Variants in TRMT1 observed in about 807,000 individuals in gnomAD.
TRMT1 encodes the protein tRNA methyltransferase 1.
A neutral mutation model predicts 75.4 loss-of-function variants in TRMT1; 63 were observed. The observed-to-expected ratio is 0.84, with a 90% CI of 0.68 to 1.03. TRMT1 has a LOEUF of 1.03. TRMT1 is among the 50% of genes least tolerant of loss of function. The pLI, the probability that TRMT1 is intolerant of heterozygous loss-of-function variation, is 0.00. For synonymous variants in TRMT1, 382 were observed against 358.1 expected (o/e 1.07, Z -0.75); for missense variants, 870 against 905.3 (o/e 0.96, Z 0.50).
Position 13,115,648 on chromosome 19 carries a change from G to T in TRMT1, c.431C>A (p.Ala144Glu). ...NLASGDQPRT[A>E]AVGEICEEGL... Reference sequence around the variant, plus strand: ...CACCTCACAGATCTCCCCCACGGCCGCTGTGCGAGGTTGGTCTCCTGAGGC... The same window carrying T: ...CACCTCACAGATCTCCCCCACGGCCTCTGTGCGAGGTTGGTCTCCTGAGGC... The change falls in exon 4 of 17, where the codon GCG (alanine) becomes GAG (glutamate). Residue 144 changes from alanine to glutamate, a missense_variant. Coordinates refer to ENST00000357720, the MANE Select transcript of TRMT1 (RefSeq NM_001136035.4). 1 of 1,613,864 alleles carries T rather than the reference G, an allele frequency of 6.2e-7. No individual in the cohort carries two copies. The highest frequency in any genetic ancestry group is 8.5e-7 in the Non-Finnish European group (1 of 1,179,994).
chr19:13,110,178 G>A lies in TRMT1; in HGVS notation c.999C>T (p.Ala333=), dbSNP rs140902656. ...RVFVRVFTGQ[A]KVKASASKQA... ...CTGACCTGGCTGAGGCCTTGACCTT[G>A]GCCTGGCCGGTGAAGACACGGACAA... The change falls in exon 8 of 17, where the codon GCC becomes GCT. Residue 333 remains alanine, a synonymous_variant. Transcript: ENST00000357720. The A allele has an allele frequency of 1.5e-3, 2,386 of 1,612,338 alleles. No homozygotes were observed. Among genetic ancestry groups the A allele is most frequent in the Non-Finnish European group, 1.9e-3 (2,196 of 1,180,008 alleles).
chr19:13,105,458 A>G, intron 15 of TRMT1, 29 bp downstream of exon 15: 1 of 1,613,810 alleles, frequency 6.2e-7, no homozygotes, highest in South Asian at 1.1e-5. Context: ...TCCCTGGCTG[A>G]GCCCCACCCC....
At chr19:13,115,854 A>C in intron 3 of TRMT1, 86 bp from the exon 4 acceptor site, 1 of 1,605,426 alleles carries the variant, frequency 6.2e-7, no homozygotes. Flanking sequence ...TCGTCCCTGA[A>C]ATCCCTGCGG....
chr19:13,105,558 T>A lies in TRMT1; in HGVS notation c.1632A>T (p.Arg544=), dbSNP rs200505675. 3.5e-5 allele frequency: 57 copies of A among 1,613,852 alleles called. 1 individual carries two copies. The highest frequency in any genetic ancestry group is 1.0e-5 in the Non-Finnish European group (12 of 1,180,028). The change falls in exon 15 of 17, where the codon CGA becomes CGT. Residue 544 remains arginine, a synonymous_variant. Transcript: ENST00000357720. The part of the protein sequence containing the change: ...TIREDANPSS[R]QRGLKRFQAN... ...CCTGGAAGCGCTTGAGTCCTCGCTG[T>A]CGGGAGCTGGGGTTGGCATCTTCCC...
chr19:13,110,108 G>A lies in TRMT1; in HGVS notation c.1019+50C>T, dbSNP rs373793143. On this transcript the variant is annotated intron_variant, in intron 8 of 16. Coordinates refer to ENST00000357720, the MANE Select transcript of TRMT1 (RefSeq NM_001136035.4). ...AGAAGCCCCAGATCCCCCAGGGCAA[G>A]GTCCTGTCTCCTCTCTCAATCCACC... 15 of 1,608,754 alleles carry A rather than the reference G, an allele frequency of 9.3e-6. No individual in the cohort carries two copies. In the African/African-American group the frequency reaches 1.7e-4, roughly 19 times the overall value.
At chr19:13,111,942 G>A (rs2019158573) in intron 7 of TRMT1, among the ~76,000 whole-genome samples, 1 of 150,612 alleles carries the variant, frequency 6.6e-6, no homozygotes, top group African/African-American at 2.4e-5. Context: ...CTCATGATCC[G>A]CCCACCTCGA....
intron 7 of TRMT1, 42 bp from the exon 8 acceptor site, chr19:13,110,348 A>C (rs1362406102): frequency 2.6e-6 from 4 of 1,542,570 alleles, no homozygotes; most frequent in Non-Finnish European, 3.5e-6. Flanking sequence ...TCCACTATCC[A>C]CCCACCCCAC....
chr19:13,106,410 T>A (rs2018870495), intron 14 of TRMT1, among the ~76,000 whole-genome samples: 1 of 152,202 alleles, frequency 6.6e-6, no homozygotes. Context: ...GTGCCTGCAT[T>A]GTTCTCAGTG....
Position 13,109,927 on chromosome 19 carries a change from A to G in TRMT1, c.1094T>C (p.Val365Ala). The G allele has an allele frequency of 6.2e-7, 1 of 1,613,380 alleles. No individual in the cohort carries two copies. The highest frequency in any genetic ancestry group is 8.5e-7 in the Non-Finnish European group (1 of 1,179,838). The change falls in exon 9 of 17, where the codon GTC becomes GCC. Residue 365 changes from valine (V) to alanine (A), a missense_variant. Val to Ala is a moderately conservative substitution (Grantham distance 64). Coordinates refer to ENST00000357720, the MANE Select transcript of TRMT1 (RefSeq NM_001136035.4). Reference sequence around the variant, plus strand: ...CCTCCCTGCTCACCGGCCGCTGGGGACTCCTGACGCTTTGCCGAGACGCTG... The same window carrying G: ...CCTCCCTGCTCACCGGCCGCTGGGGGCTCCTGACGCTTTGCCGAGACGCTG... ...HLQRLGKASG[V>A]PSGRAKFSAA... is the part of the protein sequence containing the mutation.
intron 2 of TRMT1, 29 bp downstream of exon 2, chr19:13,116,117 T>G: frequency 6.2e-7 from 1 of 1,614,046 alleles, no homozygotes. Flanking sequence ...CACTAGCCGA[T>G]GCCAGGCTAA....
At chr19:13,115,943 A>C in intron 3 of TRMT1, 54 bp downstream of exon 3, 3 of 1,613,414 alleles carry the variant, frequency 1.9e-6, no homozygotes, top group Non-Finnish European at 2.5e-6. Context: ...GAGCCCAGGC[A>C]GGGAGATAAA....
chr19:13,109,478 G>C lies in TRMT1; in HGVS notation c.1312-12C>G, dbSNP rs772642305. The C allele has an allele frequency of 6.2e-7, 1 of 1,613,998 alleles. No individual in the cohort carries two copies. The highest frequency in any genetic ancestry group is 8.5e-7 in the Non-Finnish European group (1 of 1,180,000). ...ACGTCCGGGAGCTCCTGCGATGGGG[G>C]ACAGGATGGGCATGAGTGGAGATGG... On this transcript the variant is annotated splice_polypyrimidine_tract_variant and intron_variant, in intron 11 of 16. Transcript: ENST00000357720.
rs757050803 is a variant in TRMT1 at position 13,107,626 on chromosome 19, C to A, written c.1531G>T (p.Glu511Ter). 1 of 1,608,378 alleles carries A rather than the reference C, an allele frequency of 6.2e-7. No homozygotes were observed. Among genetic ancestry groups the A allele is most frequent in the Non-Finnish European group, 8.5e-7 (1 of 1,176,898 alleles). Residue 511 changes from glutamate (E) to a stop codon, truncating the protein, a stop_gained, in exon 14 of 17, where the codon GAG becomes TAG. Coordinates refer to ENST00000357720, the MANE Select transcript of TRMT1 (RefSeq NM_001136035.4). LOFTEE classifies it high-confidence loss of function. Reference sequence around the variant, plus strand: ...GCTGGGCTAGTCTCTGATAGTCGCTCCCGTTTCACCGGACATTCCTTCTCC... The same window carrying A: ...GCTGGGCTAGTCTCTGATAGTCGCTACCGTTTCACCGGACATTCCTTCTCC... ...CWEKECPVKR[E>*]RLSETSPAFR...
chr19:13,109,949 G>T lies in TRMT1; in HGVS notation c.1072C>A (p.Arg358Ser). ...CVGCGAFHLQ[R>S]LGKASGVPSG... is the part of the protein sequence containing the mutation. ...GGGACTCCTGACGCTTTGCCGAGAC[G>T]CTGAAGGTGGAAGGCCCCGCAGCCC... The change falls in exon 9 of 17, where the codon CGT (arginine) becomes AGT (serine). Residue 358 changes from arginine (R) to serine (S), a missense_variant. By Grantham distance (110) the Arg-to-Ser change is moderately radical (BLOSUM62 -1). Transcript: ENST00000357720. The T allele has an allele frequency of 6.2e-7, 1 of 1,613,884 alleles. No homozygotes were observed. Among genetic ancestry groups the T allele is most frequent in the Non-Finnish European group, 8.5e-7 (1 of 1,179,968 alleles).
At position 13,115,655 on chromosome 19, in the gene TRMT1, G is replaced by A. The variant is rs1219940725; in HGVS notation, c.424C>T (p.Arg142Cys). 2 of 1,613,832 alleles carry A rather than the reference G, an allele frequency of 1.2e-6. No homozygotes were observed. The highest frequency in any genetic ancestry group is 1.7e-6 in the Non-Finnish European group (2 of 1,180,000). Reference sequence around the variant, plus strand: ...CAGATCTCCCCCACGGCCGCTGTGCGAGGTTGGTCTCCTGAGGCCAGGTTT... The same window carrying A: ...CAGATCTCCCCCACGGCCGCTGTGCAAGGTTGGTCTCCTGAGGCCAGGTTT... Reference protein sequence around the residue: ...SENLASGDQPRTAAVGEICEE... With the variant: ...SENLASGDQPCTAAVGEICEE... The change falls in exon 4 of 17, where the codon CGC (arginine) becomes TGC (cysteine). Residue 142 changes from arginine (R) to cysteine (C), a missense_variant. Physicochemically the swap from Arg to Cys is radical, Grantham distance 180 (BLOSUM62 -3). Coordinates refer to ENST00000357720, the MANE Select transcript of TRMT1 (RefSeq NM_001136035.4).
At chr19:13,108,819 A>G (rs1369060598) in intron 12 of TRMT1, among the ~76,000 whole-genome samples, 1 of 142,960 alleles carries the variant, frequency 7.0e-6, no homozygotes, top group Admixed American at 7.0e-5. Flanking sequence ...CATTTTGACC[A>G]CGCTGGTCTT....
At chr19:13,116,551 AT>A (rs2019374091) in intron 1 of TRMT1, 101 bp downstream of exon 1, 2 of 1,084,620 alleles carry the variant, frequency 1.8e-6, no homozygotes, top group East Asian at 5.2e-5. Flanking sequence ...GTAAGCTGAT[AT>A]CCCCTCGTTT....
At chr19:13,110,543 G>C (rs951101834) in intron 7 of TRMT1, among the ~76,000 whole-genome samples, 3 of 152,258 alleles carry the variant, frequency 2.0e-5, no homozygotes, top group Non-Finnish European at 2.9e-5. Context: ...CACTAAACGA[G>C]TGAGGAAAGC....
At chr19:13,109,162 AT>A (rs543020591) in intron 12 of TRMT1, among the ~76,000 whole-genome samples, 18 of 150,634 alleles carry the variant, frequency 1.2e-4, no homozygotes, top group African/African-American at 4.4e-4. Flanking sequence ...ATATATATTT[AT>A]TTATTTATTT....
Sources: gnomAD v4.1 joint callset for allele counts (sites outside exome capture counted in the v4.1 genomes callset) on GRCh38, gnomAD v4.1.1 for gene constraint, MANE v1.5 for transcripts, NCBI Gene and HGNC (gene_info 2026-07-23, HGNC 2026-07-21) for gene names.